Variants in CRBN observed in about 807,000 individuals in gnomAD.
CRBN encodes the protein cereblon, also known as protein cereblon.
CRBN carries 53 observed loss-of-function variants against 62.2 expected under a neutral mutation model. The ratio of observed to expected loss-of-function variants is 0.85; its 90% CI spans 0.68 to 1.07. The LOEUF (loss-of-function observed/expected upper bound fraction) is 1.07. Among genes scored for constraint, CRBN ranks in the 50% least tolerant of loss-of-function variants. The pLI, the probability that CRBN is intolerant of heterozygous loss-of-function variation, is 0.00. For synonymous variants in CRBN, 208 were observed against 176.1 expected (o/e 1.18, Z -1.43); for missense variants, 616 against 531.1 (o/e 1.16, Z -1.57).
intron 2 of CRBN, among the ~76,000 whole-genome samples, 159 bp from the exon 3 acceptor site, chr3:3,174,420 C>T (rs1295288634): frequency 6.6e-6 from 1 of 152,158 alleles, no homozygotes; most frequent in African/African-American, 2.4e-5. Context: ...GTAGGCGGAT[C>T]ACCTGAGGTC....
At chr3:3,152,927 G>C in intron 9 of CRBN, 1 of 340,456 alleles carries the variant, frequency 2.9e-6, no homozygotes, top group Non-Finnish European at 5.5e-6. Context: ...AAGGTCCTGT[G>C]TGGTCATTTT....
intron 8 of CRBN, 47 bp downstream of exon 8, chr3:3,153,913 C>T: frequency 1.7e-6 from 2 of 1,204,228 alleles, no homozygotes; most frequent in Non-Finnish European, 2.5e-6. Context: ...CCTAGTTCTC[C>T]AGCCTGAATA....
chr3:3,169,659 C>G (rs916194405), intron 4 of CRBN, among the ~76,000 whole-genome samples: 2 of 152,106 alleles, frequency 1.3e-5, no homozygotes, highest in Non-Finnish European at 2.9e-5. Context: ...CTTGGTCTCT[C>G]CAGATGAAAA....
chr3:3,179,652 G>A lies in CRBN; in HGVS notation c.36C>T (p.His12=), dbSNP rs1205324698. The change falls in exon 1 of 11, where the codon CAC becomes CAT. Residue 12 remains histidine, a synonymous_variant. Transcript: ENST00000231948. ...AGEGDQQDAA[H]NMGNHLPLLP... Reference sequence around the variant, plus strand: ...GGAGCGGCAGGTGGTTGCCCATGTTGTGCGCAGCGTCCTGCTGATCTCCTT... The same window carrying A: ...GGAGCGGCAGGTGGTTGCCCATGTTATGCGCAGCGTCCTGCTGATCTCCTT... 6.2e-7 allele frequency: 1 copy of A among 1,613,100 alleles called. No individual in the cohort carries two copies. The highest frequency in any genetic ancestry group is 1.3e-5 in the African/African-American group (1 of 74,924).
intron 5 of CRBN, among the ~76,000 whole-genome samples, chr3:3,158,358 G>C (rs868630954): frequency 1.3e-5 from 2 of 152,308 alleles, no homozygotes; most frequent in Middle Eastern, 3.4e-3. Flanking sequence ...CCACAGACCA[G>C]TGCTGGTTCG....
At chr3:3,170,291 A>G (rs1707550566) in intron 4 of CRBN, among the ~76,000 whole-genome samples, 1 of 152,214 alleles carries the variant, frequency 6.6e-6, no homozygotes, top group South Asian at 2.1e-4. Context: ...TCTGTAGTGT[A>G]CTTTTAATAA....
intron 8 of CRBN, 29 bp downstream of exon 8, chr3:3,153,931 G>T: frequency 7.4e-7 from 1 of 1,345,740 alleles, no homozygotes; most frequent in Middle Eastern, 1.8e-4. Context: ...ATAAAACATG[G>T]GCATCAAAAA....
In CRBN at chr3:3,150,267, TTCGTGGGCTCAA is replaced by T. The variant is rs1000967373; in HGVS notation, c.*586_*597del. 1 of 152,546 alleles carries T rather than the reference TTCGTGGGCTCAA, an allele frequency of 6.6e-6. No individual in the cohort carries two copies. The highest frequency in any genetic ancestry group is 2.4e-5 in the African/African-American group (1 of 41,242). 9.4% of individuals were successfully genotyped at this position (152,546 alleles called of 1,614,324 possible). A position where few individuals can be genotyped will look rare whatever the true frequency, so the allele number is the denominator to read the frequency against. ...AGGCACATAAAGGAAATGACAACTATTCGTGGGCTCAAAAAACTGCATATTTTAACTAATTTT... is the reference window on the plus strand; with the variant it reads ...AGGCACATAAAGGAAATGACAACTATAAAACTGCATATTTTAACTAATTTT... On this transcript the variant is annotated 3_prime_UTR_variant, in exon 11 of 11. Transcript: ENST00000231948.
At chr3:3,154,379 TAAAG>T (rs72243949) in intron 7 of CRBN, 93,265 of 450,780 alleles carry the variant, frequency 0.21, 13,782 homozygotes, top group East Asian at 0.72. Context: ...TATAAACAGA[TAAAG>T]AGAGTATCTA....
At chr3:3,167,053 G>T (rs182900106) in intron 5 of CRBN, among the ~76,000 whole-genome samples, 1 of 152,010 alleles carries the variant, frequency 6.6e-6, no homozygotes, top group Non-Finnish European at 1.5e-5. Context: ...CAAACGAGTA[G>T]AAACAGGCTC....
chr3:3,175,401 G>C, intron 1 of CRBN, 132 bp from the exon 2 acceptor site: 1 of 689,720 alleles, frequency 1.4e-6, no homozygotes, highest in Non-Finnish European at 2.5e-6. Context: ...CCGTGAAGAG[G>C]GAGCCAGAGG....
chr3:3,167,715 G>T lies in CRBN; in HGVS notation c.606C>A (p.Leu202=). 1 of 1,613,560 alleles carries T rather than the reference G, an allele frequency of 6.2e-7. No homozygotes were observed. The highest frequency in any genetic ancestry group is 1.1e-5 in the South Asian group (1 of 91,066). Residue 202 remains leucine, a synonymous_variant, in exon 5 of 11, where the codon CTC becomes CTA. Transcript: ENST00000231948. ...STMSAVQLES[L]NKCQIFPSKP... is the part of the protein sequence containing the mutation. ...TTGAAGGAAATATCTGGCACTTATT[G>T]AGGGATTCTAATTGAACTGCAGACA...
chr3:3,153,512 A>C, intron 8 of CRBN, 24 bp from the exon 9 acceptor site: 1 of 1,390,904 alleles, frequency 7.2e-7, no homozygotes, highest in South Asian at 1.2e-5. Flanking sequence ...GAGAAAAATT[A>C]TTGGTAGGAA....
At position 3,172,890 on chromosome 3, in the gene CRBN, G is replaced by A; in HGVS notation, c.413C>T (p.Thr138Ile). ...VQEREAQFGT[T>I]AEIYAYREEQ... ...TTCTCGATAGGCATATATCTCTGCT[G>A]TTGTTCCAAACTGTGCTTCCCTTTC... Residue 138 changes from threonine to isoleucine, a missense_variant, in exon 4 of 11, where the codon ACA becomes ATA. By Grantham distance (89) the Thr-to-Ile change is moderately conservative. Coordinates refer to ENST00000231948, the MANE Select transcript of CRBN (RefSeq NM_016302.4). 6.2e-7 allele frequency: 1 copy of A among 1,613,638 alleles called. No homozygotes were observed. Among genetic ancestry groups the A allele is most frequent in the Non-Finnish European group, 8.5e-7 (1 of 1,179,640 alleles).
At chr3:3,149,860 G>GACTA (rs1475854676), downstream of CRBN, 3 of 152,042 alleles carry the variant, frequency 2.0e-5, no homozygotes, top group Non-Finnish European at 2.9e-5. Context: ...AGTAGCAAAG[G>GACTA]ACTACCAATA....
chr3:3,168,458 CATCTT>C (rs1707441408), intron 4 of CRBN, among the ~76,000 whole-genome samples: 1 of 152,088 alleles, frequency 6.6e-6, no homozygotes, highest in Admixed American at 6.5e-5. Flanking sequence ...TAATTGCAAA[CATCTT>C]ATCATGAACT....
chr3:3,178,162 G>A (rs1707907219), intron 1 of CRBN, among the ~76,000 whole-genome samples: 1 of 152,106 alleles, frequency 6.6e-6, no homozygotes, highest in Non-Finnish European at 1.5e-5. Context: ...CTGAAACACC[G>A]GATTTGGCAC....
Position 3,154,027 on chromosome 3 carries a change from C to T in CRBN, c.884G>A (p.Arg295Lys), listed in dbSNP as rs2126053930. Reference protein sequence around the residue: ...AACLPIDDVLRIQLLKIGSAI... With the variant: ...AACLPIDDVLKIQLLKIGSAI... ...ACTGCCAATTTTAAGGAGCTGAATT[C>T]TCAATACATCATCAATAGGAAGACA... is the stretch of plus-strand genomic sequence containing the variant. The change falls in exon 8 of 11, where the codon AGA (arginine) becomes AAA (lysine). Residue 295 changes from arginine (R) to lysine (K), a missense_variant. Coordinates refer to ENST00000231948, the MANE Select transcript of CRBN (RefSeq NM_016302.4). 5 of 1,613,706 alleles carry T rather than the reference C, an allele frequency of 3.1e-6. No individual in the cohort carries two copies. In the South Asian group the frequency reaches 4.4e-5, roughly 14 times the overall value.
chr3:3,176,420 T>C (rs1243812067), intron 1 of CRBN, among the ~76,000 whole-genome samples: 1 of 152,134 alleles, frequency 6.6e-6, no homozygotes, highest in African/African-American at 2.4e-5. Context: ...GTGACAACAT[T>C]TCCCTGGCAG....
Sources: allele counts gnomAD v4.1 joint callset (sites outside exome capture counted in the v4.1 genomes callset), GRCh38; gene constraint gnomAD v4.1.1; transcripts MANE v1.5; gene names NCBI Gene and HGNC (gene_info 2026-07-23, HGNC 2026-07-21).